The following EML6 variants were observed in gnomAD, a reference collection of about 807,000 sequenced individuals.
EML6 encodes echinoderm microtubule-associated protein-like 6.
EML6 carries 154 observed loss-of-function variants against 240.1 expected under a neutral mutation model. The ratio of observed to expected loss-of-function variants is 0.64; its 90% CI spans 0.56 to 0.73. The LOEUF (loss-of-function observed/expected upper bound fraction) is 0.73, where lower values mean the gene tolerates loss of function less well. Ranked by LOEUF, EML6 falls within the 30% of genes least tolerant of loss-of-function variation. The probability of loss-of-function intolerance (pLI) is 0.00; values close to 1 mark genes in which losing one functional copy is unlikely to be tolerated. For synonymous variants in EML6, 1,148 were observed against 899.0 expected (o/e 1.28, Z -4.95); for missense variants, 2,964 against 2,474.6 (o/e 1.20, Z -4.20).
chr2:54,951,971 T>G (rs894551427), intron 30 of EML6, among the ~76,000 whole-genome samples: 1 of 152,206 alleles, frequency 6.6e-6, no homozygotes, highest in African/African-American at 2.4e-5. Flanking sequence ...GTGGCTATTA[T>G]GGAAGTCAGC....
chr2:54,794,354 C>G, intron 2 of EML6, among the ~76,000 whole-genome samples: 1 of 152,234 alleles, frequency 6.6e-6, no homozygotes, highest in Non-Finnish European at 1.5e-5. Context: ...TTTCTCTGTT[C>G]TTATTATTGA....
chr2:54,826,260 C>T (rs1306237168), intron 5 of EML6, among the ~76,000 whole-genome samples: 2 of 152,304 alleles, frequency 1.3e-5, no homozygotes, highest in South Asian at 2.1e-4. Context: ...GATCAAATAA[C>T]TTAGCATATG....
At chr2:54,911,958 G>A (rs1673665504) in intron 25 of EML6, among the ~76,000 whole-genome samples, 1 of 152,206 alleles carries the variant, frequency 6.6e-6, no homozygotes, top group African/African-American at 2.4e-5. Context: ...TACACATAAT[G>A]AGCCCTGGTC....
At chr2:54,958,852 C>T (rs1002208166) in intron 33 of EML6, among the ~76,000 whole-genome samples, 5 of 152,112 alleles carry the variant, frequency 3.3e-5, no homozygotes, top group African/African-American at 9.7e-5. Flanking sequence ...CTTGCTAATG[C>T]ACAGCTGTGC....
chr2:54,724,967 G>T lies in EML6; in HGVS notation c.-95G>T. On this transcript the variant is annotated 5_prime_UTR_variant, in exon 2 of 42. Coordinates refer to ENST00000356458, the MANE Select transcript of EML6 (RefSeq NM_001039753.4). This position sits in a 1 kb window ranked among gnomAD's most constrained non-coding sequence, Gnocchi z 5.2. ...GCCGCGGAAATCAGCGCCCTGCGCC[G>T]CGCGCTGAGCCCCTGCAGGTCCGCC... 2.8e-6 allele frequency: 3 copies of T among 1,062,584 alleles called. No individual in the cohort carries two copies. The highest frequency in any genetic ancestry group is 3.6e-6 in the Non-Finnish European group (3 of 831,256). 65.8% of individuals were successfully genotyped at this position (1,062,584 alleles called of 1,614,324 possible).
At chr2:54,879,920 T>TAA (rs1214640046) in intron 17 of EML6, 1 of 310,626 alleles carries the variant, frequency 3.2e-6, no homozygotes, top group African/African-American at 2.2e-5. Flanking sequence ...TCAAAGCACT[T>TAA]CAGCAATAGA....
chr2:54,928,798 G>C (rs1329471813), intron 28 of EML6, 47 bp downstream of exon 28: 10 of 1,550,224 alleles, frequency 6.5e-6, no homozygotes, highest in Middle Eastern at 1.7e-4. Context: ...CTGATGACAA[G>C]AAACTTGTTT....
chr2:54,918,429 G>A (rs139769175), intron 26 of EML6, among the ~76,000 whole-genome samples: 2 of 152,120 alleles, frequency 1.3e-5, no homozygotes, highest in Non-Finnish European at 2.9e-5. Flanking sequence ...GCTCACTGCA[G>A]CCTCTACCTT....
chr2:54,777,400 A>G (rs1668650027), intron 2 of EML6, among the ~76,000 whole-genome samples: 1 of 152,026 alleles, frequency 6.6e-6, no homozygotes, highest in African/African-American at 2.4e-5. Context: ...CTCACTTTTT[A>G]TTGCAGGCTT....
chr2:54,770,106 G>T (rs1163055946), intron 2 of EML6, among the ~76,000 whole-genome samples: 1 of 152,074 alleles, frequency 6.6e-6, no homozygotes, highest in African/African-American at 2.4e-5. Context: ...TCAAATATTT[G>T]TCCTGAGCTT....
At chr2:54,894,203 G>GA (rs1167812213) in intron 19 of EML6, among the ~76,000 whole-genome samples, 1,290 of 109,240 alleles carry the variant, frequency 0.012, 11 homozygotes, top group African/African-American at 0.015. Context: ...TTTTTTCTTA[G>GA]AAAAAAAAAA....
intron 7 of EML6, among the ~76,000 whole-genome samples, chr2:54,834,719 G>A (rs1383004120): frequency 6.6e-6 from 1 of 152,206 alleles, no homozygotes; most frequent in Non-Finnish European, 1.5e-5. Context: ...TGCATTAGGT[G>A]AATCACTGAG....
intron 17 of EML6, among the ~76,000 whole-genome samples, chr2:54,888,672 T>C (rs1672288735): frequency 1.3e-5 from 2 of 152,228 alleles, no homozygotes. Flanking sequence ...TTACATTTCT[T>C]CCATGTGTTT....
chr2:54,864,677 G>A (rs1212821300), intron 13 of EML6, among the ~76,000 whole-genome samples: 1 of 152,152 alleles, frequency 6.6e-6, no homozygotes, highest in African/African-American at 2.4e-5. Flanking sequence ...TAAGATATAG[G>A]CCTATGGCAG....
At chr2:54,735,851 G>C (rs1171248520) in intron 2 of EML6, among the ~76,000 whole-genome samples, 1 of 152,240 alleles carries the variant, frequency 6.6e-6, no homozygotes, top group Non-Finnish European at 1.5e-5. Context: ...GCATCTGCCA[G>C]CTCTAACTAA....
At chr2:54,881,185 A>AT (rs1354032058) in intron 17 of EML6, 1 of 152,196 alleles carries the variant, frequency 6.6e-6, no homozygotes, top group Non-Finnish European at 1.5e-5. Context: ...AATATCAAGG[A>AT]TTAAAGTTCT....
In EML6 at chr2:54,823,850, T is replaced by TTCTCTCTCTCTCTCTCTCTCTCTCTCTC. The variant is rs147852134; in HGVS notation, c.525+3415_525+3416insCTCTCTCTCTCTCTCTCTCTCTCTCTCT. On this transcript the variant is annotated intron_variant, in intron 5 of 41. Coordinates refer to ENST00000356458, the MANE Select transcript of EML6 (RefSeq NM_001039753.4). ...GGCTGAATTAATATTCATTCATTCA[T>TTCTCTCTCTCTCTCTCTCTCTCTCTCTC]TCTCTCTCTCTCTCTCTCTCTCTCT... is the stretch of plus-strand genomic sequence containing the variant. Among the ~76,000 whole-genome samples the TTCTCTCTCTCTCTCTCTCTCTCTCTCTC allele has an allele frequency of 1.9e-3, 139 of 72,262 alleles. 1 individual carries two copies. The highest frequency in any genetic ancestry group is 0.013 in the Middle Eastern group (2 of 156). The allele number at this position is 72,262 out of a possible 152,430, so 47.4% of individuals were successfully genotyped here.
At chr2:54,877,748 G>A (rs570117995) in intron 16 of EML6, among the ~76,000 whole-genome samples, 1 of 152,264 alleles carries the variant, frequency 6.6e-6, no homozygotes, top group Non-Finnish European at 1.5e-5. Flanking sequence ...CTTAAGGAAA[G>A]TGTTAACGTC....
chr2:54,813,062 G>A (rs1427299000), intron 2 of EML6, among the ~76,000 whole-genome samples, 170 bp from the exon 3 acceptor site: 1 of 152,188 alleles, frequency 6.6e-6, no homozygotes, highest in Non-Finnish European at 1.5e-5. Context: ...CTCTGCTAAA[G>A]TGAACATTTC....
Sources: gnomAD v4.1 joint callset for allele counts (sites outside exome capture counted in the v4.1 genomes callset) on GRCh38, gnomAD v4.1.1 for gene constraint, Gnocchi (gnomAD v3.1) non-coding constraint, MANE v1.5 for transcripts, NCBI Gene and HGNC (gene_info 2026-07-23, HGNC 2026-07-21) for gene names.